The following BORA variants were observed in gnomAD, a reference collection of about 807,000 sequenced individuals.
The protein encoded by BORA is protein aurora borealis.
BORA carries 26 observed loss-of-function variants against 55.8 expected under a neutral mutation model. The observed-to-expected ratio is 0.47, with a 90% CI of 0.34 to 0.65. BORA has a LOEUF of 0.65. BORA is among the 30% of genes least tolerant of loss of function. BORA has a pLI of 0.01. For synonymous variants in BORA, 201 were observed against 216.9 expected, an observed-to-expected ratio of 0.93 and a Z score of 0.64; for missense variants, 568 against 671.5, an observed-to-expected ratio of 0.85 and a Z score of 1.70.
intron 5 of BORA, among the ~76,000 whole-genome samples, chr13:72,740,107 C>T (rs1270520815): frequency 6.6e-6 from 1 of 152,080 alleles, no homozygotes; most frequent in Non-Finnish European, 1.5e-5. Context: ...TCTGGATCAA[C>T]CACATTGAGG....
At chr13:72,728,048 T>C (rs1050179723) in intron 1 of BORA, 41 bp downstream of exon 1, 4 of 1,550,124 alleles carry the variant, frequency 2.6e-6, no homozygotes, top group Non-Finnish European at 3.5e-6. Flanking sequence ...TCCTCCTGTC[T>C]GAATGGAGAG....
At chr13:72,743,625 A>T (rs111789858) in intron 6 of BORA, 23 bp downstream of exon 6, 2 of 1,574,930 alleles carry the variant, frequency 1.3e-6, no homozygotes, top group Non-Finnish European at 1.7e-6. Context: ...ACAATTTGAA[A>T]AGAAGGATGT....
intron 3 of BORA, among the ~76,000 whole-genome samples, chr13:72,733,400 C>T (rs770863413): frequency 5.9e-5 from 9 of 152,188 alleles, no homozygotes; most frequent in South Asian, 2.1e-4. Flanking sequence ...TACCTATATG[C>T]ATCATACTGG....
intron 10 of BORA, among the ~76,000 whole-genome samples, chr13:72,751,783 G>A (rs1019083268): frequency 1.5e-4 from 23 of 152,266 alleles, no homozygotes; most frequent in African/African-American, 5.5e-4. Context: ...TAATGGATAT[G>A]CTAATTACCC....
rs746472475 is a variant in BORA, at chr13:72,753,799, A to G, written c.1592A>G (p.Lys531Arg). ...SDAQTCEVES[K>R]SQAFNMKQDH... ...GCACAAACATGTGAAGTTGAGAGTAAATCTCAAGCATTTAATATGAAGGTA... is the reference window on the plus strand; with the variant it reads ...GCACAAACATGTGAAGTTGAGAGTAGATCTCAAGCATTTAATATGAAGGTA... Residue 531 changes from lysine (K) to arginine (R), a missense_variant, in exon 11 of 12, where the codon AAA becomes AGA. By Grantham distance (26) the Lys-to-Arg change is conservative. Coordinates refer to ENST00000390667, the MANE Select transcript of BORA (RefSeq NM_024808.5). 1.2e-6 allele frequency: 2 copies of G among 1,613,126 alleles called. No homozygotes were observed. The highest frequency in any genetic ancestry group is 2.2e-5 in the South Asian group (2 of 90,990).
chr13:72,751,570 G>T (rs983622346), intron 10 of BORA, among the ~76,000 whole-genome samples: 1 of 152,178 alleles, frequency 6.6e-6, no homozygotes, highest in African/African-American at 2.4e-5. Flanking sequence ...ATAGAATAGT[G>T]GTAGGTAGTA....
Position 72,745,984 on chromosome 13 carries a change from A to C in BORA, c.779A>C (p.Lys260Thr). The C allele has an allele frequency of 6.2e-7, 1 of 1,613,212 alleles. No homozygotes were observed. Among genetic ancestry groups the C allele is most frequent in the Non-Finnish European group, 8.5e-7 (1 of 1,179,380 alleles). Residue 260 changes from lysine to threonine, a missense_variant, in exon 9 of 12, where the codon AAA becomes ACA. Physicochemically the swap from Lys to Thr is moderately conservative, Grantham distance 78 (BLOSUM62 -1). Transcript: ENST00000390667. Reference protein sequence around the residue: ...SSSPIQASAKKYSLGSITSPS... With the variant: ...SSSPIQASAKTYSLGSITSPS... ...AGCCCTATTCAGGCTAGTGCAAAAA[A>C]ATACAGCTTGGGAAGCATAACTAGT... is the stretch of plus-strand genomic sequence containing the variant.
chr13:72,754,464 C>T (rs1006207017), intron 11 of BORA: 7 of 152,254 alleles, frequency 4.6e-5, no homozygotes, highest in African/African-American at 1.7e-4. Flanking sequence ...TGTGAACCAC[C>T]TTGCCCTGCT....
rs778613801 is a variant in BORA at position 72,753,773 on chromosome 13, T to C, written c.1566T>C (p.Asp522=). The C allele has an allele frequency of 6.2e-7, 1 of 1,613,552 alleles. No homozygotes were observed. The highest frequency in any genetic ancestry group is 1.3e-5 in the African/African-American group (1 of 75,022). Residue 522 remains aspartate, a synonymous_variant, in exon 11 of 12, where the codon GAT becomes GAC. Coordinates refer to ENST00000390667, the MANE Select transcript of BORA (RefSeq NM_024808.5). Reference sequence around the variant, plus strand: ...CAGAAAGTTACTGCAAAGAAAGTGATGCACAAACATGTGAAGTTGAGAGTA... The same window carrying C: ...CAGAAAGTTACTGCAAAGAAAGTGACGCACAAACATGTGAAGTTGAGAGTA... ...VGAESYCKES[D]AQTCEVESKS... is the part of the protein sequence containing the mutation.
intron 10 of BORA, chr13:72,753,451 C>A: frequency 2.9e-6 from 1 of 341,282 alleles, no homozygotes; most frequent in Non-Finnish European, 5.3e-6. Flanking sequence ...TTCACTGATT[C>A]TTAAGGAAGT....
chr13:72,748,064 C>G (rs2033189366), intron 10 of BORA, among the ~76,000 whole-genome samples: 2 of 152,128 alleles, frequency 1.3e-5, no homozygotes, highest in South Asian at 2.1e-4. Flanking sequence ...TTTAGAAGTT[C>G]TGACTTTAGT....
Position 72,755,320 on chromosome 13 carries a change from C to T in BORA, c.*104C>T, listed in dbSNP as rs1566232628. On this transcript the variant is annotated 3_prime_UTR_variant, in exon 12 of 12. Coordinates refer to ENST00000390667, the MANE Select transcript of BORA (RefSeq NM_024808.5). ...ACTGGGAAAAAATTACTTCAAGTAA[C>T]ATGCTTAGCTTTCCCTCCTTAATGT... 1 of 923,478 alleles carries T rather than the reference C, an allele frequency of 1.1e-6. No homozygotes were observed. The highest frequency in any genetic ancestry group is 1.7e-6 in the Non-Finnish European group (1 of 595,150). The allele number at this position is 923,478 out of a possible 1,614,324, so 57.2% of individuals were successfully genotyped here. A position where few individuals can be genotyped will look rare whatever the true frequency, so the allele number is the denominator to read the frequency against.
rs774304175 is a variant in BORA, at chr13:72,746,500, G to A, written c.872-1G>A. 1.2e-6 allele frequency: 2 copies of A among 1,603,416 alleles called. No individual in the cohort carries two copies. Among genetic ancestry groups the A allele is most frequent in the Non-Finnish European group, 1.7e-6 (2 of 1,173,096 alleles). ...ATTTTTTTTCCCTTCCCACCTTTCA[G>A]AACAAAGGAAGTTTACTGTTCATTC... On this transcript the variant is annotated splice_acceptor_variant, in intron 9 of 11. Transcript: ENST00000390667. LOFTEE classifies it high-confidence loss of function.
chr13:72,736,970 C>T (rs2032942843), intron 4 of BORA, among the ~76,000 whole-genome samples: 1 of 147,792 alleles, frequency 6.8e-6, no homozygotes. Context: ...CTATATCTGC[C>T]CCAGTCCACC....
At chr13:72,749,943 A>C (rs985213024) in intron 10 of BORA, among the ~76,000 whole-genome samples, 2 of 152,190 alleles carry the variant, frequency 1.3e-5, no homozygotes, top group Non-Finnish European at 2.9e-5. Context: ...CTAATGCAGC[A>C]GTCATGCATG....
intron 2 of BORA, among the ~76,000 whole-genome samples, chr13:72,731,044 G>C (rs192269678): frequency 8.6e-5 from 13 of 152,016 alleles, no homozygotes; most frequent in Admixed American, 3.3e-4. Flanking sequence ...CTCCAGCCTC[G>C]GTGACAGAAC....
intron 5 of BORA, among the ~76,000 whole-genome samples, chr13:72,740,906 T>G (rs117844312): frequency 0.039 from 5,872 of 152,314 alleles, 172 homozygotes; most frequent in Non-Finnish European, 0.051. Flanking sequence ...TGCCTCAGTT[T>G]CCTTATCTAT....
At chr13:72,737,082 A>G (rs2138057045) in intron 4 of BORA, among the ~76,000 whole-genome samples, 1 of 152,296 alleles carries the variant, frequency 6.6e-6, no homozygotes, top group South Asian at 2.1e-4. Context: ...TATGAAGAAA[A>G]TATGTTTGGT....
intron 2 of BORA, among the ~76,000 whole-genome samples, chr13:72,730,274 G>A (rs1381019682): frequency 6.6e-6 from 1 of 152,080 alleles, no homozygotes. Context: ...TTTATATTGA[G>A]TCATTTCATC....
Sources: allele counts gnomAD v4.1 joint callset (sites outside exome capture counted in the v4.1 genomes callset), GRCh38; gene constraint gnomAD v4.1.1; transcripts MANE v1.5; gene names NCBI Gene and HGNC (gene_info 2026-07-23, HGNC 2026-07-21).